The following MTUS2 variants were observed in gnomAD, a reference collection of about 807,000 sequenced individuals.
MTUS2 encodes the protein microtubule-associated tumor suppressor candidate 2.
A neutral mutation model predicts 114.1 loss-of-function variants in MTUS2; 40 were observed. That is an observed-to-expected ratio of 0.35 (90% confidence interval 0.27 to 0.46). The LOEUF (loss-of-function observed/expected upper bound fraction) is 0.46, where lower values mean the gene tolerates loss of function less well. MTUS2 is among the 20% of genes least tolerant of loss of function. The probability of loss-of-function intolerance (pLI) is 1.00; values close to 1 mark genes in which losing one functional copy is unlikely to be tolerated. For synonymous variants in MTUS2, 688 were observed against 672.0 expected, an observed-to-expected ratio of 1.02 and a Z score of -0.37; for missense variants, 1,679 against 1,705.4, an observed-to-expected ratio of 0.98 and a Z score of 0.27.
chr13:28,866,795 G>A (rs1877324847), intron 2 of MTUS2, among the ~76,000 whole-genome samples: 1 of 151,952 alleles, frequency 6.6e-6, no homozygotes, highest in Non-Finnish European at 1.5e-5. Flanking sequence ...TTGATTAAAG[G>A]ATGCCCTTCT....
At chr13:29,229,359 C>T (rs1023027972) in intron 5 of MTUS2, among the ~76,000 whole-genome samples, 4 of 152,186 alleles carry the variant, frequency 2.6e-5, no homozygotes, top group African/African-American at 9.7e-5. Context: ...TTGGAACAGT[C>T]TGTCTTCTTA....
intron 6 of MTUS2, among the ~76,000 whole-genome samples, chr13:29,299,237 C>T (rs1344486681): frequency 6.6e-6 from 1 of 152,174 alleles, no homozygotes; most frequent in African/African-American, 2.4e-5. Context: ...GATGGTCTGT[C>T]TGCTGTTCTT....
intron 7 of MTUS2, among the ~76,000 whole-genome samples, chr13:29,329,337 G>A (rs2138047574): frequency 6.8e-6 from 1 of 146,394 alleles, no homozygotes; most frequent in African/African-American, 2.6e-5. Context: ...TGTGCTCCCT[G>A]TGTCCATATG....
At chr13:29,494,605 G>A (rs999961579) in intron 12 of MTUS2, among the ~76,000 whole-genome samples, 1 of 151,948 alleles carries the variant, frequency 6.6e-6, no homozygotes, top group South Asian at 2.1e-4. Context: ...GGTGACCTGT[G>A]CTAGGTCACC....
rs1226057712 is a variant in MTUS2 at position 28,842,658 on chromosome 13, T to A, written c.-243+2808T>A. On this transcript the variant is annotated intron_variant, in intron 2 of 15. Coordinates refer to ENST00000612955, the MANE Select transcript of MTUS2 (RefSeq NM_001033602.4). ...TCATTATTTTAAAGAAGAGATCCTT[T>A]ATGATGATTCTGTAAAGATGTATAT... 3.9e-5 allele frequency among the ~76,000 whole-genome samples: 6 copies of A among 152,204 alleles called. No homozygotes were observed. The East Asian group carries it at 1.2e-3, about 29-fold the overall frequency.
intron 5 of MTUS2, among the ~76,000 whole-genome samples, chr13:29,105,773 C>T (rs1333776351): frequency 6.7e-6 from 1 of 149,598 alleles, no homozygotes; most frequent in Non-Finnish European, 1.5e-5. Flanking sequence ...TGTATGTTTT[C>T]GGAGCCTGAA....
Position 28,986,563 on chromosome 13 carries a change from G to A in MTUS2, c.-242-37894G>A, listed in dbSNP as rs73441303. Among the ~76,000 whole-genome samples the A allele has an allele frequency of 5.7e-3, 861 of 152,282 alleles. 7 individuals are homozygous for A. Among genetic ancestry groups the A allele is most frequent in the Middle Eastern group, 0.024 (7 of 294 alleles). ...CTCCTTAATGTTCACCGTGTCCCCT[G>A]ATGAATTTTGGGCTACTCTCCCGAG... On this transcript the variant is annotated intron_variant, in intron 2 of 15. Transcript: ENST00000612955.
chr13:29,404,814 A>G (rs568205159), intron 8 of MTUS2, among the ~76,000 whole-genome samples: 1 of 152,342 alleles, frequency 6.6e-6, no homozygotes, highest in East Asian at 1.9e-4. Flanking sequence ...GTTGCCAGAA[A>G]GAAGATAGGC....
chr13:29,203,316 G>C (rs1895039521), intron 5 of MTUS2, among the ~76,000 whole-genome samples: 1 of 152,110 alleles, frequency 6.6e-6, no homozygotes, highest in Admixed American at 6.5e-5. Flanking sequence ...CACTGTGAGG[G>C]GAAAACCACC....
intron 2 of MTUS2, among the ~76,000 whole-genome samples, chr13:28,886,282 A>G (rs1878587991): frequency 6.6e-6 from 1 of 152,166 alleles, no homozygotes; most frequent in Non-Finnish European, 1.5e-5. Flanking sequence ...GGATCACTCA[A>G]GGGGTTTGCT....
At chr13:29,160,034 A>G (rs553634371) in intron 5 of MTUS2, among the ~76,000 whole-genome samples, 1 of 152,332 alleles carries the variant, frequency 6.6e-6, no homozygotes, top group South Asian at 2.1e-4. Flanking sequence ...CACACAAAAA[A>G]TCCTATACAC....
At chr13:29,467,330 T>G (rs766406687) in intron 9 of MTUS2, among the ~76,000 whole-genome samples, 1 of 152,192 alleles carries the variant, frequency 6.6e-6, no homozygotes, top group Non-Finnish European at 1.5e-5. Context: ...AAATATTCAT[T>G]TGAGATAAAA....
chr13:29,419,100 C>T (rs1875889588), intron 8 of MTUS2, among the ~76,000 whole-genome samples: 1 of 152,200 alleles, frequency 6.6e-6, no homozygotes, highest in African/African-American at 2.4e-5. Context: ...TAGTGTCCAT[C>T]TTTACACATG....
intron 7 of MTUS2, among the ~76,000 whole-genome samples, chr13:29,333,027 A>G (rs1349421298): frequency 6.6e-6 from 1 of 152,164 alleles, no homozygotes; most frequent in Non-Finnish European, 1.5e-5. Flanking sequence ...ATTTCCCTCT[A>G]AACACTGCTT....
intron 5 of MTUS2, among the ~76,000 whole-genome samples, chr13:29,198,112 C>G (rs1048402606): frequency 6.6e-6 from 1 of 152,134 alleles, no homozygotes; most frequent in African/African-American, 2.4e-5. Context: ...GTTGCCATTG[C>G]TTTTGGTGTT....
intron 2 of MTUS2, among the ~76,000 whole-genome samples, chr13:29,022,730 G>A (rs904695158): frequency 2.0e-5 from 3 of 152,170 alleles, no homozygotes; most frequent in African/African-American, 4.8e-5. Flanking sequence ...CCTATCCCCA[G>A]TGCCTAATAA....
At chr13:28,992,089 A>T (rs886386783) in intron 2 of MTUS2, among the ~76,000 whole-genome samples, 3 of 151,966 alleles carry the variant, frequency 2.0e-5, no homozygotes, top group Non-Finnish European at 4.4e-5. Flanking sequence ...GACTCTCTCA[A>T]TCTCCCTTCT....
At chr13:28,821,237 G>T (rs1285119207) in intron 1 of MTUS2, among the ~76,000 whole-genome samples, 2 of 152,158 alleles carry the variant, frequency 1.3e-5, no homozygotes, top group African/African-American at 2.4e-5. Context: ...TTTACTTGGA[G>T]ATAAGCAGTG....
rs140163245 is a variant in MTUS2, at chr13:28,908,003, T to C, written c.-243+68153T>C. ...TGCTTTCAAGATTTTTCTTTGTATTTAGTTTTGAGATGTTTAATCGTGTTG... is the reference window on the plus strand; with the variant it reads ...TGCTTTCAAGATTTTTCTTTGTATTCAGTTTTGAGATGTTTAATCGTGTTG... On this transcript the variant is annotated intron_variant, in intron 2 of 15. Coordinates refer to ENST00000612955, the MANE Select transcript of MTUS2 (RefSeq NM_001033602.4). 3.3e-5 allele frequency among the ~76,000 whole-genome samples: 5 copies of C among 151,678 alleles called. No homozygotes were observed. The East Asian group carries it at 9.6e-4, about 29-fold the overall frequency.
Sources: allele counts gnomAD v4.1 joint callset (sites outside exome capture counted in the v4.1 genomes callset), GRCh38; gene constraint gnomAD v4.1.1; transcripts MANE v1.5; gene names NCBI Gene and HGNC (gene_info 2026-07-23, HGNC 2026-07-21).